Variants in E2F3 observed in about 807,000 individuals in gnomAD.
E2F3 encodes E2F transcription factor 3, also known as transcription factor E2F3.
E2F3 carries 11 observed loss-of-function variants against 44.4 expected under a neutral mutation model. The observed-to-expected ratio is 0.25, with a 90% CI of 0.16 to 0.41. The LOEUF (loss-of-function observed/expected upper bound fraction) is 0.41, where lower values mean the gene tolerates loss of function less well. Ranked by LOEUF, E2F3 falls within the 10% of genes least tolerant of loss-of-function variation. The pLI is 1.00. For synonymous variants in E2F3, 249 were observed against 253.0 expected (o/e 0.98, Z 0.15); for missense variants, 487 against 583.6 (o/e 0.83, Z 1.70).
intron 1 of E2F3, among the ~76,000 whole-genome samples, chr6:20,453,925 C>T (rs537230264): frequency 3.4e-4 from 52 of 152,234 alleles, no homozygotes; most frequent in Non-Finnish European, 5.9e-4. Context: ...CCACTTTGTC[C>T]TCCAAGGATA....
chr6:20,451,104 A>G (rs1307759568), intron 1 of E2F3, among the ~76,000 whole-genome samples: 1 of 152,168 alleles, frequency 6.6e-6, no homozygotes, highest in East Asian at 1.9e-4. Context: ...TGCCTTTGCT[A>G]TTCAGGCTCT....
intron 3 of E2F3, among the ~76,000 whole-genome samples, chr6:20,482,342 G>GTTTTTTTTTT (rs71734781): frequency 1.5e-5 from 2 of 130,152 alleles, no homozygotes; most frequent in East Asian, 2.3e-4. Context: ...TTGTTTTTTT[G>GTTTTTTTTTT]TTTTTTTTTT....
intron 1 of E2F3, among the ~76,000 whole-genome samples, chr6:20,415,735 A>T (rs1163743445): frequency 6.6e-6 from 1 of 152,144 alleles, no homozygotes; most frequent in Non-Finnish European, 1.5e-5. Context: ...ACCCCATGGC[A>T]CCCCAGAACT....
At chr6:20,482,974 A>G in intron 4 of E2F3, 54 bp downstream of exon 4, 2 of 1,609,108 alleles carry the variant, frequency 1.2e-6, no homozygotes, top group Admixed American at 3.3e-5. Context: ...GACTATTTCC[A>G]GAGTTGACAA....
At chr6:20,435,155 A>G (rs578168694) in intron 1 of E2F3, among the ~76,000 whole-genome samples, 1 of 152,316 alleles carries the variant, frequency 6.6e-6, no homozygotes, top group Admixed American at 6.5e-5. Context: ...TTTTACAGTC[A>G]GCACTTCAGA....
intron 1 of E2F3, among the ~76,000 whole-genome samples, chr6:20,446,730 G>A (rs140507339): frequency 6.6e-6 from 1 of 152,204 alleles, no homozygotes; most frequent in African/African-American, 2.4e-5. Flanking sequence ...TACCACACCT[G>A]CTAATTTTTG....
chr6:20,466,699 T>C (rs966679731), intron 1 of E2F3, among the ~76,000 whole-genome samples: 1 of 151,326 alleles, frequency 6.6e-6, no homozygotes, highest in Non-Finnish European at 1.5e-5. Context: ...TTTTTTTTTT[T>C]TGAGACGGAG....
chr6:20,415,881 T>C (rs1759829376), intron 1 of E2F3, among the ~76,000 whole-genome samples: 6 of 152,164 alleles, frequency 3.9e-5, no homozygotes, highest in Admixed American at 3.9e-4. Flanking sequence ...AGTCTGCAGT[T>C]CAGGGAAGGA....
chr6:20,450,096 C>T (rs984971372), intron 1 of E2F3, among the ~76,000 whole-genome samples: 2 of 152,150 alleles, frequency 1.3e-5, no homozygotes, highest in African/African-American at 4.8e-5. Flanking sequence ...ATGCATGAGT[C>T]TTCATAACAG....
chr6:20,438,140 C>T (rs1035685798), intron 1 of E2F3: 2 of 152,142 alleles, frequency 1.3e-5, no homozygotes, highest in African/African-American at 4.8e-5. Flanking sequence ...ATCTGAGGAC[C>T]CTATTTTCTT....
intron 1 of E2F3, among the ~76,000 whole-genome samples, chr6:20,427,944 G>C (rs1008109846): frequency 1.3e-5 from 2 of 152,108 alleles, no homozygotes; most frequent in African/African-American, 2.4e-5. Context: ...AGCAGGCCTC[G>C]GTGAACACCG....
At chr6:20,467,852 T>C (rs754691401) in intron 1 of E2F3, among the ~76,000 whole-genome samples, 2 of 152,156 alleles carry the variant, frequency 1.3e-5, no homozygotes, top group Non-Finnish European at 2.9e-5. Context: ...AACTTTTACC[T>C]TTAGTGACTG....
At chr6:20,405,081 C>T (rs1235759037) in intron 1 of E2F3, among the ~76,000 whole-genome samples, 1 of 152,136 alleles carries the variant, frequency 6.6e-6, no homozygotes, top group African/African-American at 2.4e-5. Context: ...GTCCCTAAGA[C>T]TATCTTTCAA....
At chr6:20,482,657 G>A (rs1193056897) in intron 3 of E2F3, 105 bp from the exon 4 acceptor site, 2 of 1,008,958 alleles carry the variant, frequency 2.0e-6, no homozygotes, top group Non-Finnish European at 2.8e-6. Flanking sequence ...TGGCTAACAA[G>A]CAATGTGACC....
At chr6:20,403,783 C>T in intron 1 of E2F3, 1 of 1,500,726 alleles carries the variant, frequency 6.7e-7, no homozygotes, top group Non-Finnish European at 8.8e-7. Flanking sequence ...GCCGGCCCCC[C>T]ACCTCCCCCC....
At chr6:20,437,640 AG>A (rs1760635461) in intron 1 of E2F3, among the ~76,000 whole-genome samples, 3 of 152,202 alleles carry the variant, frequency 2.0e-5, no homozygotes, top group Non-Finnish European at 2.9e-5. Context: ...TTTGTTAAGG[AG>A]AGCACAGAGC....
chr6:20,436,220 A>T (rs1027793238), intron 1 of E2F3, among the ~76,000 whole-genome samples: 7 of 152,104 alleles, frequency 4.6e-5, no homozygotes, highest in Non-Finnish European at 4.4e-5. Context: ...ACCTCAGGTG[A>T]TCCACCTGCC....
chr6:20,403,858 C>G, intron 1 of E2F3: 1 of 1,352,690 alleles, frequency 7.4e-7, no homozygotes, highest in Non-Finnish European at 9.9e-7. Flanking sequence ...GGCTCGGGGG[C>G]CGCCGACGCC....
chr6:20,447,284 A>G (rs1177950537), intron 1 of E2F3, among the ~76,000 whole-genome samples: 1 of 152,088 alleles, frequency 6.6e-6, no homozygotes. Context: ...CCAAGGGACA[A>G]ATGAGCTAAG....
Sources: allele counts gnomAD v4.1 joint callset (sites outside exome capture counted in the v4.1 genomes callset), GRCh38; gene constraint gnomAD v4.1.1; transcripts MANE v1.5; gene names NCBI Gene and HGNC (gene_info 2026-07-23, HGNC 2026-07-21).